The following KRT8 variants were observed in gnomAD, a reference collection of about 807,000 sequenced individuals.
KRT8 encodes the protein keratin 8.
In KRT8, 24 loss-of-function variants were observed where a neutral mutation model predicts 43.0. That is an observed-to-expected ratio of 0.56 (90% CI 0.40 to 0.78). The LOEUF (loss-of-function observed/expected upper bound fraction) is 0.78. KRT8 is among the 30% of genes least tolerant of loss of function. The pLI, the probability that KRT8 is intolerant of heterozygous loss-of-function variation, is 0.00. For synonymous variants in KRT8, 214 were observed against 261.2 expected (o/e 0.82, Z 1.74); for missense variants, 492 against 638.4 (o/e 0.77, Z 2.47).
intron 7 of KRT8, among the ~76,000 whole-genome samples, chr12:52,898,160 G>A (rs1305740432): frequency 2.6e-5 from 4 of 152,104 alleles, no homozygotes; most frequent in Non-Finnish European, 4.4e-5. Context: ...GCGAGACTTC[G>A]TCTCAAAAAA....
chr12:52,938,906 C>T (rs1010719737), intron 2 of KRT8, among the ~76,000 whole-genome samples: 2 of 151,990 alleles, frequency 1.3e-5, no homozygotes, highest in Non-Finnish European at 2.9e-5. Context: ...CGTGAGCCAC[C>T]GCGCCTGGCC....
In KRT8 at chr12:52,929,305, C is replaced by T. The variant is rs1013282105; in HGVS notation, c.-47+20151G>A. 2.0e-5 allele frequency among the ~76,000 whole-genome samples: 3 copies of T among 151,810 alleles called. No individual in the cohort carries two copies. In the South Asian group the frequency reaches 6.2e-4, roughly 32 times the overall value. On this transcript the variant is annotated intron_variant, in intron 2 of 6. Transcript: ENST00000546826. Reference sequence around the variant, plus strand: ...CTCCCAGGCTGAAGCCATTCTCTTGCCTCAACCTCCTGAGTAGCTGGGATT... The same window carrying T: ...CTCCCAGGCTGAAGCCATTCTCTTGTCTCAACCTCCTGAGTAGCTGGGATT...
chr12:52,914,899 T>C (rs1941705218), intron 2 of KRT8, among the ~76,000 whole-genome samples: 1 of 152,174 alleles, frequency 6.6e-6, no homozygotes, highest in Non-Finnish European at 1.5e-5. Context: ...TCTTTCCCGA[T>C]GCTTCCTGCT....
upstream of KRT8, chr12:52,905,136 G>A: frequency 7.1e-7 from 1 of 1,401,680 alleles, no homozygotes; most frequent in Non-Finnish European, 9.4e-7. Context: ...TCGTACCTGA[G>A]TGGCTAGGCC....
chr12:52,930,409 T>A (rs572406756), intron 2 of KRT8, among the ~76,000 whole-genome samples: 2 of 152,136 alleles, frequency 1.3e-5, no homozygotes, highest in Admixed American at 1.3e-4. Flanking sequence ...TTAGTAGAGA[T>A]GGGGTTTCTC....
chr12:52,930,551 T>C (rs1942066748), intron 2 of KRT8, among the ~76,000 whole-genome samples: 1 of 149,906 alleles, frequency 6.7e-6, no homozygotes. Flanking sequence ...TTTCCTTTTT[T>C]TGTTGTTGTT....
intron 2 of KRT8, among the ~76,000 whole-genome samples, chr12:52,922,795 T>C (rs917213500): frequency 2.0e-5 from 3 of 152,218 alleles, no homozygotes; most frequent in Non-Finnish European, 2.9e-5. Context: ...AGTGCTAGGA[T>C]CAGAATTCCA....
chr12:52,921,203 G>A (rs965067154), intron 2 of KRT8, among the ~76,000 whole-genome samples: 9 of 152,196 alleles, frequency 5.9e-5, no homozygotes, highest in African/African-American at 2.2e-4. Context: ...ACTCCAGGCA[G>A]AGGCCATCTA....
At chr12:52,925,744 C>T (rs766528488) in intron 2 of KRT8, among the ~76,000 whole-genome samples, 3 of 152,166 alleles carry the variant, frequency 2.0e-5, no homozygotes, top group Admixed American at 6.5e-5. Context: ...TCCCTCTGTT[C>T]CTGAGTTCTA....
intron 2 of KRT8, among the ~76,000 whole-genome samples, chr12:52,924,587 T>C (rs538698413): frequency 1.3e-5 from 2 of 152,098 alleles, no homozygotes; most frequent in Non-Finnish European, 2.9e-5. Context: ...AGACCCTGTC[T>C]CAAAAAAATA....
At chr12:52,937,624 G>A (rs1942189026) in intron 2 of KRT8, among the ~76,000 whole-genome samples, 1 of 150,902 alleles carries the variant, frequency 6.6e-6, no homozygotes, top group Admixed American at 6.6e-5. Flanking sequence ...GGAGGCAAAT[G>A]TTGCAGTGAA....
chr12:52,906,659 G>A (rs1353535613), upstream of KRT8: 2 of 455,452 alleles, frequency 4.4e-6, no homozygotes, highest in African/African-American at 2.0e-5. Context: ...TGATGGCTGG[G>A]GCTGGGTTCT....
In KRT8 at chr12:52,897,599, A is replaced by C. The variant is rs1227784123; in HGVS notation, c.1281T>G (p.Tyr427Ter). The C allele has an allele frequency of 6.3e-7, 1 of 1,598,158 alleles. No homozygotes were observed. Among genetic ancestry groups the C allele is most frequent in the Admixed American group, 1.7e-5 (1 of 60,020 alleles). ...TGAGGCCGGGGCTTGTGAGGCCCCC[A>C]TAGGCCGAGCTCAGACCACCTGGTG... The change falls in exon 8 of 8, where the codon TAT becomes TAG. Residue 427 changes from tyrosine (Y) to a stop codon, truncating the protein, a stop_gained. Transcript: ENST00000692008. LOFTEE classifies it high-confidence loss of function.
At chr12:52,905,721 GCA>G (rs746497497), upstream of KRT8, among the ~76,000 whole-genome samples, 69 of 143,166 alleles carry the variant, frequency 4.8e-4, no homozygotes, top group East Asian at 1.1e-3. Context: ...CATCACACGC[GCA>G]CACACACACA....
chr12:52,948,805 C>G (rs1037369037), intron 2 of KRT8: 5 of 408,514 alleles, frequency 1.2e-5, no homozygotes, highest in Non-Finnish European at 2.1e-5. Flanking sequence ...TCCCAAATTT[C>G]AAACTCGCCA....
chr12:52,937,877 G>C (rs1412621172), intron 2 of KRT8, among the ~76,000 whole-genome samples: 1 of 150,242 alleles, frequency 6.7e-6, no homozygotes, highest in Non-Finnish European at 1.5e-5. Flanking sequence ...GCACACACCT[G>C]TAGTCCCAGC....
chr12:52,924,112 T>C (rs893633957), intron 2 of KRT8, among the ~76,000 whole-genome samples: 4 of 151,798 alleles, frequency 2.6e-5, no homozygotes. Context: ...ATGAGCCGAG[T>C]TGTGAGCCAC....
At chr12:52,909,309 C>T (rs1237291731), upstream of KRT8, among the ~76,000 whole-genome samples, 1 of 152,142 alleles carries the variant, frequency 6.6e-6, no homozygotes, top group Non-Finnish European at 1.5e-5. Context: ...GAAAAGCACC[C>T]GAAATCCCTT....
chr12:52,926,578 C>T, intron 2 of KRT8: 1 of 854,162 alleles, frequency 1.2e-6, no homozygotes, highest in Non-Finnish European at 1.8e-6. Context: ...CACCCCTGGG[C>T]TGGGTTACAC....
Sources: gnomAD v4.1 joint callset for allele counts (sites outside exome capture counted in the v4.1 genomes callset) on GRCh38, gnomAD v4.1.1 for gene constraint, MANE v1.5 for transcripts, NCBI Gene and HGNC (gene_info 2026-07-23, HGNC 2026-07-21) for gene names.